The following ARHGAP44 variants were observed in gnomAD, a reference collection of about 807,000 sequenced individuals.
ARHGAP44 encodes Rho GTPase activating protein 44.
ARHGAP44 carries 43 observed loss-of-function variants against 106.8 expected under a neutral mutation model. The ratio of observed to expected loss-of-function variants is 0.40; its 90% CI spans 0.32 to 0.52. The LOEUF (loss-of-function observed/expected upper bound fraction) is 0.52. Among genes scored for constraint, ARHGAP44 ranks in the 20% least tolerant of loss-of-function variants. The pLI is 0.48. For synonymous variants in ARHGAP44, 439 were observed against 410.3 expected, an observed-to-expected ratio of 1.07 and a Z score of -0.85; for missense variants, 866 against 1,050.5, an observed-to-expected ratio of 0.82 and a Z score of 2.43.
intron 1 of ARHGAP44, among the ~76,000 whole-genome samples, chr17:12,802,947 ATATATATATATATATATATATATTTTTT>A (rs2034148031): frequency 2.6e-4 from 4 of 15,354 alleles, no homozygotes; most frequent in African/African-American, 2.2e-3. Context: ...ATATATATAT[ATATATATATATATATATATATATTTTTT>A]TTTTTTTTTT....
intron 7 of ARHGAP44, among the ~76,000 whole-genome samples, chr17:12,930,489 C>T (rs1174782351): frequency 6.6e-6 from 1 of 152,140 alleles, no homozygotes; most frequent in Middle Eastern, 3.2e-3. Flanking sequence ...CTACCTGCCT[C>T]GGCCTCACAA....
rs1430202200 is a variant in ARHGAP44, at chr17:12,789,656, G to C, written c.-183G>C. ...GGGATGCGGCAGGAGGCGGCGCGGC[G>C]GGAGGAGTAGGCGGCGGCGCCCTCG... On this transcript the variant is annotated 5_prime_UTR_variant, in exon 1 of 21. Transcript: ENST00000379672. 2 of 378,234 alleles carry C rather than the reference G, an allele frequency of 5.3e-6. No individual in the cohort carries two copies. Among genetic ancestry groups the C allele is most frequent in the Non-Finnish European group, 9.1e-6 (2 of 219,082 alleles). The allele number at this position is 378,234 out of a possible 1,614,324, so 23.4% of individuals were successfully genotyped here.
At chr17:12,943,551 C>T (rs2038761389) in intron 8 of ARHGAP44, 37 bp from the exon 9 acceptor site, 1 of 1,604,528 alleles carries the variant, frequency 6.2e-7, no homozygotes, top group African/African-American at 1.3e-5. Flanking sequence ...TGTCCTTGCC[C>T]CTCACTAAGG....
chr17:12,948,138 G>A (rs914988689), intron 10 of ARHGAP44, among the ~76,000 whole-genome samples: 10 of 152,220 alleles, frequency 6.6e-5, no homozygotes, highest in African/African-American at 1.7e-4. Flanking sequence ...TACCTGTGAC[G>A]TGGAGGTTTC....
chr17:12,974,206 T>C lies in ARHGAP44; in HGVS notation c.1659T>C (p.Ala553=). Residue 553 remains alanine, a synonymous_variant, in exon 18 of 21, where the codon GCT becomes GCC. Coordinates refer to ENST00000379672, the MANE Select transcript of ARHGAP44 (RefSeq NM_014859.6). ...MQPPAPPAEL[A]APLPSPLPEQ... is the part of the protein sequence containing the mutation. Reference sequence around the variant, plus strand: ...CTCCCGCCCCGCCCGCCGAGCTGGCTGCGCCCCTGCCTTCGCCGCTGCCGG... The same window carrying C: ...CTCCCGCCCCGCCCGCCGAGCTGGCCGCGCCCCTGCCTTCGCCGCTGCCGG... 2 of 1,547,830 alleles carry C rather than the reference T, an allele frequency of 1.3e-6. No individual in the cohort carries two copies. The highest frequency in any genetic ancestry group is 1.7e-6 in the Non-Finnish European group (2 of 1,146,320).
chr17:12,832,418 T>G (rs2035117651), intron 1 of ARHGAP44, among the ~76,000 whole-genome samples: 1 of 152,136 alleles, frequency 6.6e-6, no homozygotes, highest in Non-Finnish European at 1.5e-5. Context: ...AATCTTAGGT[T>G]TTATAATACT....
chr17:12,952,483 T>G lies in ARHGAP44; in HGVS notation c.1056-18T>G. 1.3e-6 allele frequency: 2 copies of G among 1,556,824 alleles called. No homozygotes were observed. Among genetic ancestry groups the G allele is most frequent in the Non-Finnish European group, 1.7e-6 (2 of 1,147,190 alleles). On this transcript the variant is annotated intron_variant, in intron 12 of 20. Transcript: ENST00000379672. ...TTGATTCGTGCTCAACCAATGACCT[T>G]TCCTATCAATTTCTCAGTGTCCAGG... is the stretch of plus-strand genomic sequence containing the variant.
intron 1 of ARHGAP44, among the ~76,000 whole-genome samples, chr17:12,799,742 G>C (rs2034032314): frequency 6.6e-6 from 1 of 152,110 alleles, no homozygotes; most frequent in South Asian, 2.1e-4. Flanking sequence ...TGATTCTTCT[G>C]CCTCAGCCTC....
intron 1 of ARHGAP44, among the ~76,000 whole-genome samples, chr17:12,840,080 A>G (rs1176502996): frequency 6.6e-6 from 1 of 152,178 alleles, no homozygotes; most frequent in Non-Finnish European, 1.5e-5. Flanking sequence ...GGATATATGT[A>G]TTAACACTTG....
At chr17:12,816,269 C>T (rs1374910562) in intron 1 of ARHGAP44, among the ~76,000 whole-genome samples, 1 of 152,112 alleles carries the variant, frequency 6.6e-6, no homozygotes, top group Non-Finnish European at 1.5e-5. Context: ...TTCTTTTATT[C>T]ATCTTGAAGC....
chr17:12,837,919 C>A (rs925087593), intron 1 of ARHGAP44, among the ~76,000 whole-genome samples: 1 of 152,044 alleles, frequency 6.6e-6, no homozygotes, highest in Admixed American at 6.6e-5. Context: ...TCAATGTGCT[C>A]CATTGAGAAC....
intron 1 of ARHGAP44, among the ~76,000 whole-genome samples, chr17:12,838,902 TC>T (rs1476947701): frequency 6.6e-6 from 1 of 152,116 alleles, no homozygotes; most frequent in Non-Finnish European, 1.5e-5. Flanking sequence ...AGATGGGGTT[TC>T]ACCATGTTGG....
At position 12,949,619 on chromosome 17, in the gene ARHGAP44, G is replaced by A; in HGVS notation, c.974-30G>A. On this transcript the variant is annotated intron_variant, in intron 11 of 20. Transcript: ENST00000379672. This position sits in a 1 kb window ranked among gnomAD's most constrained non-coding sequence, Gnocchi z 4.1. Reference sequence around the variant, plus strand: ...GTCTTGCCTCTGCCACATCATAACAGTTCACAACCAATATTTCATTCATGC... The same window carrying A: ...GTCTTGCCTCTGCCACATCATAACAATTCACAACCAATATTTCATTCATGC... The A allele has an allele frequency of 6.2e-7, 1 of 1,608,966 alleles. No homozygotes were observed. Among genetic ancestry groups the A allele is most frequent in the Non-Finnish European group, 8.5e-7 (1 of 1,175,874 alleles).
intron 1 of ARHGAP44, among the ~76,000 whole-genome samples, chr17:12,877,704 C>T (rs796274711): frequency 4.6e-4 from 70 of 151,800 alleles, no homozygotes; most frequent in African/African-American, 1.6e-3. Context: ...GAGCCGAGAT[C>T]GCGCCACTGC....
At chr17:12,940,869 T>G (rs2150980559) in intron 7 of ARHGAP44, among the ~76,000 whole-genome samples, 187 bp from the exon 8 acceptor site, 1 of 152,322 alleles carries the variant, frequency 6.6e-6, no homozygotes, top group Middle Eastern at 3.4e-3. Flanking sequence ...CTTTTCAAAC[T>G]TACGCATTTT....
chr17:12,984,390 C>T, intron 19 of ARHGAP44, 141 bp from the exon 20 acceptor site: 1 of 782,582 alleles, frequency 1.3e-6, no homozygotes, highest in South Asian at 3.5e-5. Flanking sequence ...GGCCGGGGGG[C>T]AGGGCAGGGA....
At chr17:12,934,215 CTT>C (rs2038481650) in intron 7 of ARHGAP44, among the ~76,000 whole-genome samples, 1 of 152,180 alleles carries the variant, frequency 6.6e-6, no homozygotes, top group East Asian at 1.9e-4. Flanking sequence ...TCCTCTCTCT[CTT>C]TTAGTTTGTA....
Position 12,851,521 on chromosome 17 carries a change from A to G in ARHGAP44, c.54-43419A>G, listed in dbSNP as rs556411379. 2.0e-5 allele frequency among the ~76,000 whole-genome samples: 3 copies of G among 152,046 alleles called. No individual in the cohort carries two copies. The South Asian group carries it at 6.2e-4, about 32-fold the overall frequency. The stretch of plus-strand genomic sequence containing the variant: ...TTGCTCTTGTTGCCCAGGCTGGAGT[A>G]CAATGGCGTGATCTCGGCTCACCAC... On this transcript the variant is annotated intron_variant, in intron 1 of 20. Transcript: ENST00000379672.
chr17:12,896,275 C>CA (rs139465622), intron 2 of ARHGAP44, 132 bp from the exon 3 acceptor site: 2 of 708,058 alleles, frequency 2.8e-6, no homozygotes, highest in Non-Finnish European at 4.6e-6. Context: ...AACAAACAAA[C>CA]AAAAAAACAA....
Sources: allele counts gnomAD v4.1 joint callset (sites outside exome capture counted in the v4.1 genomes callset), GRCh38; gene constraint gnomAD v4.1.1; non-coding constraint Gnocchi (gnomAD v3.1); transcripts MANE v1.5; gene names NCBI Gene and HGNC (gene_info 2026-07-23, HGNC 2026-07-21).